ZEB1: variants seen among roughly 807,000 people sequenced by gnomAD.
ZEB1 encodes zinc finger E-box-binding homeobox 1.
In ZEB1, 21 loss-of-function variants were observed where a neutral mutation model predicts 84.9. The ratio of observed to expected loss-of-function variants is 0.25; its 90% confidence interval spans 0.18 to 0.36. ZEB1 has a LOEUF of 0.36. Among genes scored for constraint, ZEB1 ranks in the 10% least tolerant of loss-of-function variants. ZEB1 has a pLI of 1.00. For synonymous variants in ZEB1, 420 were observed against 471.1 expected (o/e 0.89, Z 1.41); for missense variants, 1,104 against 1,330.2 (o/e 0.83, Z 2.65).
Position 31,452,452 on chromosome 10 carries a change from A to C in ZEB1, c.59-8585A>C, listed in dbSNP as rs567414030. On this transcript the variant is annotated intron_variant, in intron 1 of 8. Coordinates refer to ENST00000424869, the MANE Select transcript of ZEB1 (RefSeq NM_001174096.2). ...CTCCTCTTTCCTGGAGTAATATTAT[A>C]TGCAGAAGTTTTCTCTGATCCTATG... Among the ~76,000 whole-genome samples the C allele has an allele frequency of 7.2e-5, 11 of 152,238 alleles. No homozygotes were observed. The East Asian group carries it at 1.9e-3, about 27-fold the overall frequency.
intron 1 of ZEB1, among the ~76,000 whole-genome samples, chr10:31,351,586 A>G (rs538739588): frequency 1.3e-5 from 2 of 152,266 alleles, no homozygotes; most frequent in East Asian, 3.9e-4. Flanking sequence ...TGTTTAAATC[A>G]TAAGAGACTC....
At chr10:31,458,012 A>G (rs1000432700) in intron 1 of ZEB1, among the ~76,000 whole-genome samples, 2 of 152,130 alleles carry the variant, frequency 1.3e-5, no homozygotes, top group South Asian at 4.1e-4. Context: ...CAAGATACCA[A>G]AGATGTCCAG....
intron 1 of ZEB1, among the ~76,000 whole-genome samples, chr10:31,340,832 A>G (rs1336570191): frequency 6.6e-6 from 1 of 152,126 alleles, no homozygotes; most frequent in East Asian, 1.9e-4. Context: ...GTAGATATTG[A>G]TTGTGAGTGC....
At chr10:31,411,634 G>T (rs1324393143) in intron 1 of ZEB1, among the ~76,000 whole-genome samples, 2 of 60,124 alleles carry the variant, frequency 3.3e-5, no homozygotes, top group Non-Finnish European at 2.7e-5. Context: ...GCGAGACTCC[G>T]TCTCAAAAAA....
chr10:31,419,101 G>C (rs1426290922), intron 1 of ZEB1, among the ~76,000 whole-genome samples: 2 of 152,130 alleles, frequency 1.3e-5, no homozygotes, highest in Non-Finnish European at 2.9e-5. Context: ...GCCAGAGATG[G>C]ATATTAGAAA....
chr10:31,444,773 A>G (rs2059542261), intron 1 of ZEB1, among the ~76,000 whole-genome samples: 1 of 151,506 alleles, frequency 6.6e-6, no homozygotes, highest in Non-Finnish European at 1.5e-5. Flanking sequence ...ATTGATCTAT[A>G]TCTCTGTTTT....
intron 2 of ZEB1, among the ~76,000 whole-genome samples, chr10:31,492,405 G>T (rs1181907490): frequency 6.6e-6 from 1 of 151,864 alleles, no homozygotes; most frequent in East Asian, 1.9e-4. Flanking sequence ...GAGCATTAAG[G>T]TAGACTAGGC....
At chr10:31,338,724 AAAAT>A (rs930183247) in intron 1 of ZEB1, among the ~76,000 whole-genome samples, 1 of 152,206 alleles carries the variant, frequency 6.6e-6, no homozygotes, top group African/African-American at 2.4e-5. Context: ...TGAGATGAGA[AAAAT>A]AGATAGGCAA....
intron 1 of ZEB1, among the ~76,000 whole-genome samples, chr10:31,449,660 C>G (rs2060293618): frequency 6.6e-6 from 1 of 151,994 alleles, no homozygotes; most frequent in Admixed American, 6.6e-5. Context: ...ATTGCCCATC[C>G]CTGTAATAGT....
At chr10:31,512,250 C>A (rs1387481817) in intron 5 of ZEB1, among the ~76,000 whole-genome samples, 1 of 152,140 alleles carries the variant, frequency 6.6e-6, no homozygotes, top group Non-Finnish European at 1.5e-5. Context: ...ACTCCAAGGG[C>A]CATCGTGAAA....
At chr10:31,350,159 A>G (rs1430593888) in intron 1 of ZEB1, among the ~76,000 whole-genome samples, 1 of 152,036 alleles carries the variant, frequency 6.6e-6, no homozygotes, top group Non-Finnish European at 1.5e-5. Context: ...TCCCAACACC[A>G]TTTATTGAGG....
intron 1 of ZEB1, among the ~76,000 whole-genome samples, chr10:31,434,270 A>G (rs749134041): frequency 2.0e-5 from 3 of 152,222 alleles, no homozygotes; most frequent in African/African-American, 2.4e-5. Flanking sequence ...CACTGTGTTT[A>G]TGTGCTTTTA....
chr10:31,486,589 T>C (rs182393825), intron 2 of ZEB1, among the ~76,000 whole-genome samples: 1 of 151,572 alleles, frequency 6.6e-6, no homozygotes, highest in East Asian at 1.9e-4. Context: ...TTTTTTCTTT[T>C]TTTAATTATA....
At chr10:31,455,724 G>C (rs1342344759) in intron 1 of ZEB1, among the ~76,000 whole-genome samples, 2 of 152,190 alleles carry the variant, frequency 1.3e-5, no homozygotes, top group African/African-American at 4.8e-5. Flanking sequence ...TCTCACACCA[G>C]TTAGAATGGT....
intron 1 of ZEB1, among the ~76,000 whole-genome samples, chr10:31,349,775 G>A (rs2040988275): frequency 6.6e-6 from 1 of 151,848 alleles, no homozygotes; most frequent in Admixed American, 6.6e-5. Flanking sequence ...TTATTTTCTT[G>A]CTATTTAGTT....
chr10:31,464,837 T>C (rs1253579061), intron 2 of ZEB1, among the ~76,000 whole-genome samples: 1 of 152,204 alleles, frequency 6.6e-6, no homozygotes, highest in Non-Finnish European at 1.5e-5. Flanking sequence ...CTGAGGGATT[T>C]TGTCACTGTT....
At chr10:31,514,347 T>C (rs982327471) in intron 5 of ZEB1, among the ~76,000 whole-genome samples, 5 of 152,178 alleles carry the variant, frequency 3.3e-5, no homozygotes, top group African/African-American at 1.2e-4. Flanking sequence ...AGAAAGTTGG[T>C]ATTTTTCTGT....
At chr10:31,320,900 G>A (rs1203093432) in intron 1 of ZEB1, among the ~76,000 whole-genome samples, 1 of 152,140 alleles carries the variant, frequency 6.6e-6, no homozygotes, top group African/African-American at 2.4e-5. Context: ...GTATAATAAT[G>A]GGCGGCAACG....
At chr10:31,329,932 A>G (rs1266682647) in intron 1 of ZEB1, among the ~76,000 whole-genome samples, 2 of 152,100 alleles carry the variant, frequency 1.3e-5, no homozygotes, top group Admixed American at 6.5e-5. Context: ...AGTTCTTTGT[A>G]TATTCTGGAC....
Sources: gnomAD v4.1 joint callset for allele counts (sites outside exome capture counted in the v4.1 genomes callset) on GRCh38, gnomAD v4.1.1 for gene constraint, MANE v1.5 for transcripts, NCBI Gene and HGNC (gene_info 2026-07-23, HGNC 2026-07-21) for gene names.